The following MUC4 variants were observed in gnomAD, a reference collection of about 807,000 sequenced individuals.
MUC4 encodes mucin 4, cell surface associated.
MUC4 carries 202 observed loss-of-function variants against 257.9 expected under a neutral mutation model. The observed-to-expected ratio is 0.78, with a 90% confidence interval of 0.70 to 0.88. The LOEUF (loss-of-function observed/expected upper bound fraction) is 0.88, where lower values mean the gene tolerates loss of function less well. Among genes scored for constraint, MUC4 ranks in the 40% least tolerant of loss-of-function variants. The pLI, the probability that MUC4 is intolerant of heterozygous loss-of-function variation, is 0.00. For synonymous variants in MUC4, 2,351 were observed against 2,757.1 expected (o/e 0.85, Z 4.62); for missense variants, 5,976 against 6,513.7 (o/e 0.92, Z 2.84).
rs758531937 is a variant in MUC4, at chr3:195,788,977, A to T, written c.2603T>A (p.Val868Asp). The change falls in exon 2 of 25, where the codon GTC becomes GAC. Residue 868 changes from valine to aspartate, a missense_variant. Val to Asp is a radical substitution (Grantham distance 152). Transcript: ENST00000463781. ...GAGGGTGGGATGAAAGGTGCCGGGG[A>T]CGATCGAAGACGCCATTCCTGTGCT... ...PVSTGMASSIVPGTFHPTLSE... is the reference protein window; with the variant it reads ...PVSTGMASSIDPGTFHPTLSE... 3.1e-6 allele frequency: 5 copies of T among 1,613,526 alleles called. No homozygotes were observed. In the African/African-American group the frequency reaches 6.7e-5, roughly 22 times the overall value.
At chr3:195,754,816 ATGTGTGTATCCATGTG>A (rs1481936490) in intron 18 of MUC4, among the ~76,000 whole-genome samples, 1 of 17,500 alleles carries the variant, frequency 5.7e-5, no homozygotes, top group Non-Finnish European at 3.5e-4. Context: ...GTATGTATCC[ATGTGTGTATCCATGTG>A]TGTATGTATC....
Position 195,782,307 on chromosome 3 carries a change from G to C in MUC4, c.9273C>G (p.Val3091=), listed in dbSNP as rs1187154145. The C allele has an allele frequency of 1.3e-6, 2 of 1,543,138 alleles. No individual in the cohort carries two copies. Among genetic ancestry groups the C allele is most frequent in the South Asian group, 1.2e-5 (1 of 83,224 alleles). The change falls in exon 2 of 25, where the codon GTC becomes GTG. Residue 3091 remains valine, a synonymous_variant. Coordinates refer to ENST00000463781, the MANE Select transcript of MUC4 (RefSeq NM_018406.7). ...CTGTGGATACTGAGGAAAGGCTGGT[G>C]ACAGGAAGAGGGGTGGCGTGACCTG... ...ASTGHATPLP[V]TSLSSVSTGD... is the part of the protein sequence containing the mutation.
intron 7 of MUC4, among the ~76,000 whole-genome samples, chr3:195,767,685 TGGC>T (rs1340796286): frequency 5.1e-4 from 24 of 46,682 alleles, no homozygotes; most frequent in South Asian, 1.8e-3. Context: ...CCACCATCAC[TGGC>T]CACCCCCCAA....
chr3:195,785,568 G>A lies in MUC4; in HGVS notation c.6012C>T (p.Thr2004=), dbSNP rs112365404. Residue 2004 remains threonine, a synonymous_variant, in exon 2 of 25, where the codon ACC becomes ACT. Coordinates refer to ENST00000463781, the MANE Select transcript of MUC4 (RefSeq NM_018406.7). ...STGHATPLPV[T]DTSSVSTGQA... is the part of the protein sequence containing the mutation. ...GTCCTGTAGATACTGAGGAAGTGTC[G>A]GTGACCGGAAGAGGGGTGGCATGAC... 43,026 of 1,519,200 alleles carry A rather than the reference G, an allele frequency of 0.028. 6,588 individuals carry two copies. Among genetic ancestry groups the A allele is most frequent in the African/African-American group, 0.18 (11,220 of 61,716 alleles). 94.1% of individuals were successfully genotyped at this position (1,519,200 alleles called of 1,614,324 possible).
intron 23 of MUC4, chr3:195,750,162 T>C (rs1386771033): frequency 6.5e-6 from 1 of 153,164 alleles, no homozygotes; most frequent in Non-Finnish European, 1.5e-5. Flanking sequence ...ATACAGAAAA[T>C]AGGACGTGTT....
intron 12 of MUC4, 50 bp from the exon 13 acceptor site, chr3:195,762,995 C>T (rs1719561264): frequency 1.4e-6 from 2 of 1,421,076 alleles, no homozygotes; most frequent in East Asian, 2.5e-5. Flanking sequence ...GTGGAGCCGA[C>T]GCCCAGGAAA....
At chr3:195,796,526 C>T (rs113752591) in intron 1 of MUC4, among the ~76,000 whole-genome samples, 3,812 of 151,706 alleles carry the variant, frequency 0.025, 151 homozygotes, top group African/African-American at 0.086. Context: ...TCCTGGCTAA[C>T]ACGGTGAAAA....
intron 6 of MUC4, chr3:195,769,495 G>A (rs981316256): frequency 6.4e-5 from 18 of 281,562 alleles, no homozygotes; most frequent in Non-Finnish European, 1.0e-4. Context: ...AGCTAGAGAG[G>A]AGGCTTCATT....
At position 195,790,927 on chromosome 3, in the gene MUC4, G is replaced by T. The variant is rs781131690; in HGVS notation, c.653C>A (p.Thr218Asn). 46 of 1,613,764 alleles carry T rather than the reference G, an allele frequency of 2.9e-5. No homozygotes were observed. Among genetic ancestry groups the T allele is most frequent in the Non-Finnish European group, 3.7e-5 (44 of 1,179,862 alleles). The change falls in exon 2 of 25, where the codon ACC becomes AAC. Residue 218 changes from threonine to asparagine, a missense_variant. This residue lies in a region of MUC4 where 1,583 missense variants were observed against 1,257.4 expected (regional missense o/e 1.26). Coordinates refer to ENST00000463781, the MANE Select transcript of MUC4 (RefSeq NM_018406.7). ...TGGAGAGAAAGAAGGAGTTGAAGTGGTTCTGTGTGTTAGGGTGCTGGTTTG... is the reference window on the plus strand; with the variant it reads ...TGGAGAGAAAGAAGGAGTTGAAGTGTTTCTGTGTGTTAGGGTGCTGGTTTG... ...ESQTSTLTHR[T>N]TSTPSFSPSV...
intron 19 of MUC4, 84 bp downstream of exon 19, chr3:195,754,129 A>G (rs1717038066): frequency 2.0e-6 from 3 of 1,467,176 alleles, no homozygotes; most frequent in Non-Finnish European, 2.7e-6. Context: ...AAAAGGAGAG[A>G]AATGGTTTGC....
rs1578273018 is a variant in MUC4, at chr3:195,782,497, G to C, written c.9083C>G (p.Thr3028Ser). The C allele has an allele frequency of 7.2e-7, 1 of 1,384,050 alleles. No individual in the cohort carries two copies. The highest frequency in any genetic ancestry group is 1.7e-5 in the African/African-American group (1 of 57,888). The allele number at this position is 1,384,050 out of a possible 1,614,324, so 85.7% of individuals were successfully genotyped here. The change falls in exon 2 of 25, where the codon ACC becomes AGC. Residue 3028 changes from threonine (T) to serine (S), a missense_variant. Thr to Ser is a moderately conservative substitution (Grantham distance 58). Coordinates refer to ENST00000463781, the MANE Select transcript of MUC4 (RefSeq NM_018406.7). Reference sequence around the variant, plus strand: ...ACCGGTGGATGCTGAGGAAGGGCTGGTGACATGAAGAGGGGTGGCGTGACC... The same window carrying C: ...ACCGGTGGATGCTGAGGAAGGGCTGCTGACATGAAGAGGGGTGGCGTGACC... ...STGHATPLHVTSPSSASTGHA... is the reference protein window; with the variant it reads ...STGHATPLHVSSPSSASTGHA...
intron 1 of MUC4, among the ~76,000 whole-genome samples, chr3:195,805,355 T>C (rs1423405767): frequency 6.6e-6 from 1 of 151,796 alleles, no homozygotes; most frequent in East Asian, 1.9e-4. Flanking sequence ...AGCACCAAAA[T>C]CCGGCTGTGA....
At chr3:195,758,519 T>C (rs1231115279) in intron 17 of MUC4, among the ~76,000 whole-genome samples, 1 of 151,990 alleles carries the variant, frequency 6.6e-6, no homozygotes, top group Non-Finnish European at 1.5e-5. Flanking sequence ...GGTGAATGCA[T>C]AATGACTAAA....
chr3:195,776,804 CCCATACCTTCCACGG>C (rs1724903177), intron 3 of MUC4, among the ~76,000 whole-genome samples: 1 of 73,172 alleles, frequency 1.4e-5, no homozygotes, highest in Non-Finnish European at 2.9e-5. Flanking sequence ...ACCTTCCACA[CCCATACCTTCCACGG>C]CCATACCTTC....
At chr3:195,798,577 GC>G (rs1734853552) in intron 1 of MUC4, among the ~76,000 whole-genome samples, 1 of 151,196 alleles carries the variant, frequency 6.6e-6, no homozygotes, top group South Asian at 2.1e-4. Context: ...GGTGGCGGGC[GC>G]CTGTAGTCCC....
chr3:195,747,421 G>A (rs1327528637), intron 24 of MUC4, 41 bp from the exon 25 acceptor site: 1 of 1,593,206 alleles, frequency 6.3e-7, no homozygotes, highest in Admixed American at 1.7e-5. Flanking sequence ...AGAGGCGGGA[G>A]CTCAGCCTCC....
chr3:195,794,170 T>C (rs1734256564), intron 1 of MUC4, among the ~76,000 whole-genome samples: 1 of 151,700 alleles, frequency 6.6e-6, no homozygotes. Flanking sequence ...ATATTGGCTT[T>C]TTTTGTTTAA....
chr3:195,779,485 G>C lies in MUC4; in HGVS notation c.12095C>G (p.Pro4032Arg), dbSNP rs183374228. 2.6e-5 allele frequency: 33 copies of C among 1,273,146 alleles called. 4 individuals are homozygous for C. Among genetic ancestry groups the C allele is most frequent in the East Asian group, 9.1e-5 (3 of 32,882 alleles). 78.9% of individuals were successfully genotyped at this position (1,273,146 alleles called of 1,614,324 possible). A position where few individuals can be genotyped will look rare whatever the true frequency, so the allele number is the denominator to read the frequency against. Residue 4032 changes from proline (P) to arginine (R), a missense_variant, in exon 2 of 25, where the codon CCT (proline) becomes CGT (arginine). Physicochemically the swap from Pro to Arg is moderately radical, Grantham distance 103. Around this residue, in one of 44 missense-constraint regions of MUC4, gnomAD observed 293 missense variants for 294.5 expected, o/e 1.00. Coordinates refer to ENST00000463781, the MANE Select transcript of MUC4 (RefSeq NM_018406.7). ...PSSASTGHAT[P>R]VPVTSTSSAS... is the part of the protein sequence containing the mutation. ...TGAGGAAGTGCTGGTGACAGGAACA[G>C]GGGTGGCGTGACCTGTGGATGCTGA...
At position 195,761,077 on chromosome 3, in the gene MUC4, GT is replaced by G. The variant is rs1718789073; in HGVS notation, c.14654del (p.Asp4885AlafsTer25). The G allele has an allele frequency of 6.2e-7, 1 of 1,614,074 alleles. No individual in the cohort carries two copies. The highest frequency in any genetic ancestry group is 8.5e-7 in the Non-Finnish European group (1 of 1,180,032). On this transcript the variant is annotated frameshift_variant, in exon 16 of 25. Coordinates refer to ENST00000463781, the MANE Select transcript of MUC4 (RefSeq NM_018406.7). LOFTEE classifies it high-confidence loss of function. ...CAGGGGTGAAGTTGGAAGGCAGCTG[GT>G]CATTCCTCTTGCCAAGGAGGCCTGT... ...NGTGLLGKRNDQLPSNFTPVF... is the reference protein window; with the variant it reads ...NGTGLLGKRNXQLPSNFTPVF...
Sources: allele counts gnomAD v4.1 joint callset (sites outside exome capture counted in the v4.1 genomes callset), GRCh38; gene constraint gnomAD v4.1.1; regional missense constraint gnomAD v4.1.1; transcripts MANE v1.5; gene names NCBI Gene and HGNC (gene_info 2026-07-23, HGNC 2026-07-21).